Variants in NLGN1 observed in about 807,000 individuals in gnomAD.
The protein encoded by NLGN1 is neuroligin-1.
NLGN1 carries 12 observed loss-of-function variants against 65.5 expected under a neutral mutation model. That is an observed-to-expected ratio of 0.18 (90% CI 0.12 to 0.30). The LOEUF is 0.30. NLGN1 is among the 10% of genes least tolerant of loss of function. NLGN1 has a pLI of 1.00. For missense variants in NLGN1, 750 were observed against 1,007.1 expected (o/e 0.74, Z 3.46); for synonymous variants, 350 against 359.5 (o/e 0.97, Z 0.30).
intron 4 of NLGN1, among the ~76,000 whole-genome samples, chr3:174,133,893 A>ACACACAC (rs1720691989): frequency 6.9e-6 from 1 of 144,804 alleles, no homozygotes. Flanking sequence ...CACCCCACAA[A>ACACACAC]ACACACACAC....
intron 3 of NLGN1, among the ~76,000 whole-genome samples, chr3:173,710,505 G>A (rs1184989558): frequency 6.6e-6 from 1 of 152,084 alleles, no homozygotes; most frequent in East Asian, 1.9e-4. Flanking sequence ...CGTACTAAAA[G>A]CAAGTCATAT....
At chr3:173,958,251 TTCCTGTCTGACA>T (rs559435578) in intron 4 of NLGN1, among the ~76,000 whole-genome samples, 214 of 152,332 alleles carry the variant, frequency 1.4e-3, no homozygotes, top group African/African-American at 4.8e-3. Context: ...AGATTCCAAG[TTCCTGTCTGACA>T]TCCCGGAAAA....
chr3:174,152,107 G>A (rs776715596), intron 4 of NLGN1, among the ~76,000 whole-genome samples: 1 of 152,060 alleles, frequency 6.6e-6, no homozygotes, highest in South Asian at 2.1e-4. Flanking sequence ...GTCTTCTTCT[G>A]AATTTCAAAA....
chr3:174,031,829 T>A (rs1301504644), intron 4 of NLGN1, among the ~76,000 whole-genome samples: 1 of 152,040 alleles, frequency 6.6e-6, no homozygotes, highest in Non-Finnish European at 1.5e-5. Context: ...AGAAAGCAAT[T>A]TAGTTCCTGG....
chr3:173,510,861 G>A (rs1732831091), intron 2 of NLGN1, among the ~76,000 whole-genome samples: 1 of 152,160 alleles, frequency 6.6e-6, no homozygotes. Context: ...AATCCAGGAT[G>A]AAGCATACAA....
At chr3:173,429,565 A>G (rs373939379) in intron 1 of NLGN1, among the ~76,000 whole-genome samples, 4 of 152,040 alleles carry the variant, frequency 2.6e-5, no homozygotes, top group Non-Finnish European at 5.9e-5. Context: ...ATGTATGTCT[A>G]TGTCTTTGCT....
At chr3:173,821,799 A>G (rs1043335822) in intron 4 of NLGN1, among the ~76,000 whole-genome samples, 1 of 152,174 alleles carries the variant, frequency 6.6e-6, no homozygotes, top group Non-Finnish European at 1.5e-5. Flanking sequence ...ATTTTACTAT[A>G]ATTCATACAA....
At chr3:173,800,021 A>T (rs66726023) in intron 3 of NLGN1, among the ~76,000 whole-genome samples, 1,122 of 20,458 alleles carry the variant, frequency 0.055, 7 homozygotes, top group South Asian at 0.084. Flanking sequence ...TTTTTTTTTT[A>T]AAAGTCTTTG....
intron 2 of NLGN1, among the ~76,000 whole-genome samples, chr3:173,586,226 T>A (rs911185611): frequency 1.3e-5 from 2 of 152,190 alleles, no homozygotes; most frequent in Non-Finnish European, 2.9e-5. Flanking sequence ...AAAACATACA[T>A]TTTGTATGTT....
chr3:173,440,861 C>T (rs773530286), intron 2 of NLGN1, among the ~76,000 whole-genome samples: 2 of 152,130 alleles, frequency 1.3e-5, no homozygotes, highest in African/African-American at 2.4e-5. Flanking sequence ...TCTTTTGAAG[C>T]CTGCAAGCCA....
chr3:173,923,497 C>T (rs1276919729), intron 4 of NLGN1, among the ~76,000 whole-genome samples: 1 of 152,020 alleles, frequency 6.6e-6, no homozygotes, highest in African/African-American at 2.4e-5. Flanking sequence ...GAATGGTGTA[C>T]ATCTCTCTCT....
intron 4 of NLGN1, among the ~76,000 whole-genome samples, chr3:174,093,213 A>G (rs956884195): frequency 2.0e-5 from 3 of 152,206 alleles, no homozygotes; most frequent in East Asian, 1.9e-4. Flanking sequence ...AGCAAACGCA[A>G]TTTTGCAGGA....
At chr3:173,453,978 A>G (rs1275671654) in intron 2 of NLGN1, among the ~76,000 whole-genome samples, 2 of 152,248 alleles carry the variant, frequency 1.3e-5, no homozygotes, top group Non-Finnish European at 2.9e-5. Context: ...TATTTCTTAA[A>G]TAATAAGACT....
chr3:174,251,959 T>C (rs543307007), intron 4 of NLGN1, among the ~76,000 whole-genome samples: 1 of 152,322 alleles, frequency 6.6e-6, no homozygotes, highest in African/African-American at 2.4e-5. Flanking sequence ...TGGAAAAAGT[T>C]TCCTGACAAA....
chr3:173,669,944 C>T (rs1015609200), intron 3 of NLGN1, among the ~76,000 whole-genome samples: 2 of 152,098 alleles, frequency 1.3e-5, no homozygotes, highest in African/African-American at 4.8e-5. Context: ...AAAATAAAAA[C>T]ACAAAATCTT....
chr3:173,811,535 C>G lies in NLGN1; in HGVS notation c.646+3703C>G, dbSNP rs537710604. Among the ~76,000 whole-genome samples, 5 of 141,980 alleles carry G rather than the reference C, an allele frequency of 3.5e-5. No homozygotes were observed. In the South Asian group the frequency reaches 8.8e-4, roughly 25 times the overall value. 93.1% of individuals were successfully genotyped at this position (141,980 alleles called of 152,430 possible). The stretch of plus-strand genomic sequence containing the variant: ...TGAGCTGAGATTGCGCCATTACACT[C>G]TAGCCTGGGTGACAAGAGTGAACTC... On this transcript the variant is annotated intron_variant, in intron 4 of 6. Coordinates refer to ENST00000457714, the Ensembl canonical transcript of NLGN1.
At position 173,539,703 on chromosome 3, in the gene NLGN1, T is replaced by C. The variant is rs922475780; in HGVS notation, c.-320-64576T>C. 5.1e-5 allele frequency among the ~76,000 whole-genome samples: 7 copies of C among 136,854 alleles called. 1 individual carries two copies. In the East Asian group the frequency reaches 1.0e-3, roughly 20 times the overall value. The allele number at this position is 136,854 out of a possible 152,430, so 89.8% of individuals were successfully genotyped here. ...ACATACATATATGTACATATGCACATATATACATATATGTACATATGCACA... is the reference window on the plus strand; with the variant it reads ...ACATACATATATGTACATATGCACACATATACATATATGTACATATGCACA... On this transcript the variant is annotated intron_variant, in intron 2 of 6. Transcript: ENST00000457714.
At chr3:173,874,828 C>A (rs778167019) in intron 4 of NLGN1, among the ~76,000 whole-genome samples, 5 of 152,236 alleles carry the variant, frequency 3.3e-5, no homozygotes, top group African/African-American at 1.2e-4. Context: ...TTAATCATTT[C>A]TCTTTGTGAC....
chr3:174,140,745 T>A (rs1366053799), intron 4 of NLGN1, among the ~76,000 whole-genome samples: 2 of 152,170 alleles, frequency 1.3e-5, no homozygotes, highest in Non-Finnish European at 2.9e-5. Flanking sequence ...GATTATTTTT[T>A]AAAAATCAGT....
Sources: gnomAD v4.1 joint callset for allele counts (sites outside exome capture counted in the v4.1 genomes callset) on GRCh38, gnomAD v4.1.1 for gene constraint, MANE v1.5 for transcripts, NCBI Gene and HGNC (gene_info 2026-07-23, HGNC 2026-07-21) for gene names.